The following AKAP13 variants were observed in gnomAD, a reference collection of about 807,000 sequenced individuals.
AKAP13 encodes the protein A-kinase anchor protein 13.
A neutral mutation model predicts 264.5 loss-of-function variants in AKAP13; 80 were observed. The ratio of observed to expected loss-of-function variants is 0.30; its 90% CI spans 0.25 to 0.36. The LOEUF (loss-of-function observed/expected upper bound fraction) is 0.36, where lower values mean the gene tolerates loss of function less well. Among genes scored for constraint, AKAP13 ranks in the 10% least tolerant of loss-of-function variants. The pLI, the probability that AKAP13 is intolerant of heterozygous loss-of-function variation, is 1.00. For missense variants in AKAP13, 3,712 were observed against 3,435.2 expected (o/e 1.08, Z -2.01); for synonymous variants, 1,380 against 1,250.2 (o/e 1.10, Z -2.19).
At chr15:85,526,613 G>T (rs1321153817) in intron 3 of AKAP13, among the ~76,000 whole-genome samples, 1 of 152,114 alleles carries the variant, frequency 6.6e-6, no homozygotes, top group African/African-American at 2.4e-5. Flanking sequence ...CTAGCAGCAG[G>T]TGTCCAGTAT....
intron 2 of AKAP13, among the ~76,000 whole-genome samples, chr15:85,514,069 A>G (rs2076529005): frequency 7.3e-6 from 1 of 137,578 alleles, no homozygotes; most frequent in African/African-American, 2.9e-5. Context: ...ACACTTAAAG[A>G]CTGTGTAATA....
At chr15:85,440,604 G>C (rs1460918790) in intron 1 of AKAP13, among the ~76,000 whole-genome samples, 1 of 152,164 alleles carries the variant, frequency 6.6e-6, no homozygotes, top group Non-Finnish European at 1.5e-5. Context: ...TTCAAAATCA[G>C]TTTTCACCTG....
intron 1 of AKAP13, among the ~76,000 whole-genome samples, chr15:85,465,174 G>A (rs1420386982): frequency 1.4e-5 from 2 of 147,872 alleles, no homozygotes; most frequent in Non-Finnish European, 3.0e-5. Flanking sequence ...GGATGGTCTC[G>A]ATCTCCTGAC....
chr15:85,424,020 T>C (rs1173437342), intron 1 of AKAP13, among the ~76,000 whole-genome samples: 1 of 152,250 alleles, frequency 6.6e-6, no homozygotes, highest in Non-Finnish European at 1.5e-5. Context: ...ACAGATGTTC[T>C]GTCCAGGCTT....
At chr15:85,567,868 A>T (rs936551454) in intron 5 of AKAP13, among the ~76,000 whole-genome samples, 8 of 152,088 alleles carry the variant, frequency 5.3e-5, no homozygotes, top group African/African-American at 1.7e-4. Flanking sequence ...GCTGTCCCAC[A>T]CCTAATATGG....
At chr15:85,578,645 G>T (rs939435541) in intron 6 of AKAP13, among the ~76,000 whole-genome samples, 1 of 152,146 alleles carries the variant, frequency 6.6e-6, no homozygotes, top group Non-Finnish European at 1.5e-5. Context: ...TGCCCGGCGA[G>T]ACTCAGTTTT....
At chr15:85,442,423 AAT>A (rs1555429952) in intron 1 of AKAP13, among the ~76,000 whole-genome samples, 9,765 of 105,732 alleles carry the variant, frequency 0.092, 844 homozygotes, top group Admixed American at 0.24. Flanking sequence ...AAAAAAAAAA[AAT>A]ATATATATAT....
intron 4 of AKAP13, 129 bp from the exon 5 acceptor site, chr15:85,543,643 A>G: frequency 9.5e-7 from 1 of 1,053,216 alleles, no homozygotes; most frequent in South Asian, 1.7e-5. Context: ...TTCACACTGT[A>G]TGTTGTAGCT....
intron 4 of AKAP13, among the ~76,000 whole-genome samples, chr15:85,541,293 A>G (rs1182942146): frequency 6.6e-6 from 1 of 152,244 alleles, no homozygotes; most frequent in African/African-American, 2.4e-5. Flanking sequence ...AATGCATAAA[A>G]ATAAGGTGGA....
Position 85,632,322 on chromosome 15 carries a change from A to T in AKAP13, c.4162-7052A>T, listed in dbSNP as rs535094523. 3.3e-5 allele frequency among the ~76,000 whole-genome samples: 5 copies of T among 152,346 alleles called. No individual in the cohort carries two copies. In the South Asian group the frequency reaches 1.0e-3, roughly 32 times the overall value. ...TGCTGTGTCACAGCTGAGAAATCTAAACCTGAAGAAATCTGAATTTTTATA... is the reference window on the plus strand; with the variant it reads ...TGCTGTGTCACAGCTGAGAAATCTATACCTGAAGAAATCTGAATTTTTATA... On this transcript the variant is annotated intron_variant, in intron 8 of 36. Transcript: ENST00000394518.
At chr15:85,743,259 A>AT (rs1184631360) in intron 35 of AKAP13, among the ~76,000 whole-genome samples, 3 of 152,180 alleles carry the variant, frequency 2.0e-5, no homozygotes, top group African/African-American at 7.2e-5. Flanking sequence ...TAGTAAAAGT[A>AT]TTAACAGCAT....
At chr15:85,617,983 C>T (rs531516083) in intron 8 of AKAP13, among the ~76,000 whole-genome samples, 2 of 152,278 alleles carry the variant, frequency 1.3e-5, no homozygotes, top group East Asian at 3.9e-4. Flanking sequence ...TGTTTCACTG[C>T]ACATGTTGGT....
chr15:85,633,512 A>C (rs990659354), intron 8 of AKAP13, among the ~76,000 whole-genome samples: 10 of 148,570 alleles, frequency 6.7e-5, no homozygotes, highest in South Asian at 2.2e-4. Flanking sequence ...TTAAGAGAAA[A>C]TTCTCTGAAT....
At chr15:85,540,952 A>T (rs994306472) in intron 4 of AKAP13, among the ~76,000 whole-genome samples, 1 of 152,258 alleles carries the variant, frequency 6.6e-6, no homozygotes, top group African/African-American at 2.4e-5. Context: ...TATATTCTAT[A>T]ATTTCATCTA....
At position 85,581,202 on chromosome 15, in the gene AKAP13, G is replaced by A. The variant is rs1427672207; in HGVS notation, c.3134G>A (p.Cys1045Tyr). The A allele has an allele frequency of 6.2e-7, 1 of 1,613,858 alleles. No homozygotes were observed. The highest frequency in any genetic ancestry group is 2.2e-5 in the East Asian group (1 of 44,862). Residue 1045 changes from cysteine to tyrosine, a missense_variant, in exon 7 of 37, where the codon TGT becomes TAT. By Grantham distance (194) the Cys-to-Tyr change is radical. Around this residue, in one of 3 missense-constraint regions of AKAP13, gnomAD observed 2,759 missense variants for 2,411.7 expected, o/e 1.14. Coordinates refer to ENST00000394518, the MANE Select transcript of AKAP13 (RefSeq NM_007200.5). Reference protein sequence around the residue: ...AEHNSSALLPCLLPDGSDGSD... With the variant: ...AEHNSSALLPYLLPDGSDGSD... ...CACAACAGCTCCGCTCTGTTGCCAT[G>A]TCTGTTGCCAGATGGGTCTGATGGG...
At chr15:85,653,366 C>T (rs1160451719) in intron 10 of AKAP13, among the ~76,000 whole-genome samples, 1 of 152,184 alleles carries the variant, frequency 6.6e-6, no homozygotes, top group African/African-American at 2.4e-5. Context: ...ATGCCTGCGT[C>T]CGTTGGAAAA....
chr15:85,585,926 A>G, intron 8 of AKAP13, 103 bp downstream of exon 8: 1 of 1,465,028 alleles, frequency 6.8e-7, no homozygotes, highest in South Asian at 1.2e-5. Context: ...AGTGGGCAAA[A>G]TAGTATTTTC....
chr15:85,540,201 G>A (rs2077536351), intron 4 of AKAP13, among the ~76,000 whole-genome samples: 1 of 152,146 alleles, frequency 6.6e-6, no homozygotes, highest in Non-Finnish European at 1.5e-5. Context: ...ACGTGAGGAA[G>A]GGAAGATCGT....
intron 19 of AKAP13, among the ~76,000 whole-genome samples, chr15:85,711,214 A>C (rs2086619311): frequency 6.6e-6 from 1 of 151,996 alleles, no homozygotes; most frequent in Non-Finnish European, 1.5e-5. Flanking sequence ...GTTATAGAAA[A>C]TAGTTCTTTT....
Sources: allele counts gnomAD v4.1 joint callset (sites outside exome capture counted in the v4.1 genomes callset), GRCh38; gene constraint gnomAD v4.1.1; regional missense constraint gnomAD v4.1.1; transcripts MANE v1.5; gene names NCBI Gene and HGNC (gene_info 2026-07-23, HGNC 2026-07-21).